Variants in TRMT9B observed in about 807,000 individuals in gnomAD.
TRMT9B encodes probable tRNA methyltransferase 9B.
In TRMT9B, 16 loss-of-function variants were observed where a neutral mutation model predicts 11.5. That is an observed-to-expected ratio of 1.39 (90% CI 0.94 to 2.11). The LOEUF (loss-of-function observed/expected upper bound fraction) is 2.11, where lower values mean the gene tolerates loss of function less well. TRMT9B is among the 30% of genes most tolerant of loss of function. The pLI is 0.00. For synonymous variants in TRMT9B, 274 were observed against 192.4 expected, an observed-to-expected ratio of 1.42 and a Z score of -3.51; for missense variants, 941 against 553.8, an observed-to-expected ratio of 1.70 and a Z score of -7.02.
At chr8:13,014,304 T>C (rs578124147) in intron 4 of TRMT9B, among the ~76,000 whole-genome samples, 96 of 152,318 alleles carry the variant, frequency 6.3e-4, no homozygotes, top group Non-Finnish European at 2.5e-4. Context: ...CAAAATACCA[T>C]AGACTTCGCT....
intron 4 of TRMT9B, among the ~76,000 whole-genome samples, chr8:13,020,108 G>A (rs1482052813): frequency 1.3e-5 from 2 of 152,108 alleles, no homozygotes; most frequent in East Asian, 3.8e-4. Context: ...CTAACAGTTG[G>A]ATTATTTTGA....
chr8:12,965,700 A>G (rs188624860), intron 1 of TRMT9B, among the ~76,000 whole-genome samples: 5 of 152,000 alleles, frequency 3.3e-5, no homozygotes, highest in African/African-American at 1.2e-4. Context: ...AATGAGAGTG[A>G]GAAGTGGCAG....
At chr8:12,973,762 G>A (rs6993976) in intron 1 of TRMT9B, among the ~76,000 whole-genome samples, 3,659 of 152,268 alleles carry the variant, frequency 0.024, 44 homozygotes, top group Middle Eastern at 0.051. Flanking sequence ...CAGAGCCAGT[G>A]AAAGATTCCA....
rs1814934026 is a variant in TRMT9B, at chr8:13,028,224, T to C, written c.*6180T>C. 6.0e-6 allele frequency: 1 copy of C among 167,088 alleles called. No individual in the cohort carries two copies. The highest frequency in any genetic ancestry group is 6.5e-5 in the Admixed American group (1 of 15,278). 10.4% of individuals were successfully genotyped at this position (167,088 alleles called of 1,614,324 possible). On this transcript the variant is annotated 3_prime_UTR_variant, in exon 5 of 5. Coordinates refer to ENST00000524591, the MANE Select transcript of TRMT9B (RefSeq NM_020844.3). ...ATTATACACAGATAATCAATGACTT[T>C]ATTTGGGAGGGATTGGAGCTATAGA...
In TRMT9B at chr8:13,018,371, T is replaced by C. The variant is rs188769102; in HGVS notation, c.329-2637T>C. Among the ~76,000 whole-genome samples the C allele has an allele frequency of 5.7e-3, 761 of 134,070 alleles. 2 individuals carry two copies. Among genetic ancestry groups the C allele is most frequent in the Non-Finnish European group, 8.2e-3 (527 of 63,940 alleles). The allele number at this position is 134,070 out of a possible 152,430, so 88.0% of individuals were successfully genotyped here. A position where few individuals can be genotyped will look rare whatever the true frequency, so the allele number is the denominator to read the frequency against. ...AAGCTGAGATGGAGCCACTACATCC[T>C]GGGTGACAGAGCAAGACCCTGTCTC... On this transcript the variant is annotated intron_variant, in intron 4 of 4. Coordinates refer to ENST00000524591, the MANE Select transcript of TRMT9B (RefSeq NM_020844.3).
At chr8:12,950,417 C>G (rs968197124) in intron 1 of TRMT9B, among the ~76,000 whole-genome samples, 1 of 152,212 alleles carries the variant, frequency 6.6e-6, no homozygotes, top group East Asian at 1.9e-4. Flanking sequence ...GTATCCAATA[C>G]GTCTTCTGTG....
chr8:13,010,312 G>T (rs545034085), intron 3 of TRMT9B: 2 of 946,450 alleles, frequency 2.1e-6, no homozygotes, highest in South Asian at 9.8e-5. Flanking sequence ...AATGAAAGAT[G>T]CATTTTAATG....
intron 1 of TRMT9B, among the ~76,000 whole-genome samples, chr8:12,961,475 G>A (rs528655071): frequency 1.2e-4 from 19 of 152,026 alleles, no homozygotes; most frequent in Non-Finnish European, 2.4e-4. Flanking sequence ...GCCGAGGTGG[G>A]CGGATCACGA....
chr8:12,976,407 C>T (rs1462121891), intron 1 of TRMT9B, among the ~76,000 whole-genome samples: 2 of 150,982 alleles, frequency 1.3e-5, no homozygotes, highest in Non-Finnish European at 2.9e-5. Flanking sequence ...TCTTGGTCAG[C>T]AGCAACGTTG....
chr8:13,015,832 C>G (rs939906347), intron 4 of TRMT9B, among the ~76,000 whole-genome samples: 2 of 152,096 alleles, frequency 1.3e-5, no homozygotes, highest in African/African-American at 2.4e-5. Context: ...TGGAGCACAC[C>G]TAGTTACCAT....
At chr8:12,964,998 G>T (rs895902795) in intron 1 of TRMT9B, among the ~76,000 whole-genome samples, 3 of 152,160 alleles carry the variant, frequency 2.0e-5, no homozygotes, top group Non-Finnish European at 4.4e-5. Flanking sequence ...AAATAGTCTG[G>T]TTTATTCTGG....
At chr8:12,965,235 A>G (rs536914592) in intron 1 of TRMT9B, among the ~76,000 whole-genome samples, 5 of 152,228 alleles carry the variant, frequency 3.3e-5, no homozygotes, top group Non-Finnish European at 7.3e-5. Context: ...ATATGGCTGA[A>G]TTGGTTTTTG....
intron 1 of TRMT9B, among the ~76,000 whole-genome samples, chr8:12,949,120 A>G (rs1456887646): frequency 6.6e-6 from 1 of 152,208 alleles, no homozygotes; most frequent in African/African-American, 2.4e-5. Flanking sequence ...TATGTGTGGC[A>G]TCACTGGCCT....
At chr8:13,020,590 T>C (rs568057028) in intron 4 of TRMT9B, among the ~76,000 whole-genome samples, 12 of 152,340 alleles carry the variant, frequency 7.9e-5, no homozygotes, top group Middle Eastern at 3.4e-3. Flanking sequence ...ATTAAAACAA[T>C]GAATTACCTC....
chr8:13,017,950 G>T (rs1193527063), intron 4 of TRMT9B, among the ~76,000 whole-genome samples: 2 of 151,490 alleles, frequency 1.3e-5, no homozygotes, highest in African/African-American at 2.4e-5. Flanking sequence ...AGAACATTTG[G>T]CTTAAAGGCT....
intron 2 of TRMT9B, among the ~76,000 whole-genome samples, chr8:12,994,972 G>A (rs983322733): frequency 2.0e-5 from 3 of 152,262 alleles, no homozygotes; most frequent in Admixed American, 6.5e-5. Flanking sequence ...GTGAGCCCCC[G>A]CGCCTGGCTG....
chr8:12,975,842 C>A (rs561969670), intron 1 of TRMT9B, among the ~76,000 whole-genome samples: 160 of 152,252 alleles, frequency 1.1e-3, no homozygotes, highest in African/African-American at 3.6e-3. Flanking sequence ...CCATATTTGC[C>A]AGATATGGTG....
At chr8:13,012,150 A>T in intron 3 of TRMT9B, 1 of 985,634 alleles carries the variant, frequency 1.0e-6, no homozygotes, top group Non-Finnish European at 1.2e-6. Flanking sequence ...TTAAATATTC[A>T]ATAAATGTTA....
intron 4 of TRMT9B, among the ~76,000 whole-genome samples, chr8:13,014,612 G>C (rs1045522382): frequency 2.6e-5 from 4 of 152,116 alleles, no homozygotes; most frequent in African/African-American, 4.8e-5. Context: ...CATACTGGGG[G>C]TTAGGGCTTC....
Sources: gnomAD v4.1 joint callset for allele counts (sites outside exome capture counted in the v4.1 genomes callset) on GRCh38, gnomAD v4.1.1 for gene constraint, MANE v1.5 for transcripts, NCBI Gene and HGNC (gene_info 2026-07-23, HGNC 2026-07-21) for gene names.